The following UNC5D variants were observed in gnomAD, a reference collection of about 807,000 sequenced individuals.
UNC5D encodes unc-5 netrin receptor D.
Under a neutral mutation model 105.4 loss-of-function variants are expected in UNC5D, and 39 were observed. The ratio of observed to expected loss-of-function variants is 0.37; its 90% CI spans 0.29 to 0.48. The LOEUF (loss-of-function observed/expected upper bound fraction) is 0.48, where lower values mean the gene tolerates loss of function less well. Ranked by LOEUF, UNC5D falls within the 20% of genes least tolerant of loss-of-function variation. The pLI, the probability that UNC5D is intolerant of heterozygous loss-of-function variation, is 0.98. For missense variants in UNC5D, 991 were observed against 1,202.4 expected, an observed-to-expected ratio of 0.82 and a Z score of 2.60; for synonymous variants, 452 against 450.4, an observed-to-expected ratio of 1.00 and a Z score of -0.04.
At chr8:35,353,265 A>G (rs895927611) in intron 1 of UNC5D, among the ~76,000 whole-genome samples, 1 of 152,220 alleles carries the variant, frequency 6.6e-6, no homozygotes, top group Non-Finnish European at 1.5e-5. Context: ...CCAAGCATTC[A>G]CAGAGTCATG....
intron 1 of UNC5D, among the ~76,000 whole-genome samples, chr8:35,415,618 C>A (rs186923730): frequency 6.6e-6 from 1 of 152,200 alleles, no homozygotes. Context: ...GCAGGAAGTA[C>A]CCTGTGACTT....
chr8:35,758,779 A>G (rs1462300414), intron 13 of UNC5D, among the ~76,000 whole-genome samples: 1 of 152,226 alleles, frequency 6.6e-6, no homozygotes, highest in Non-Finnish European at 1.5e-5. Context: ...ACCTTTTGGT[A>G]TAATAACTTT....
chr8:35,355,033 G>A (rs149098079), intron 1 of UNC5D, among the ~76,000 whole-genome samples: 45 of 152,218 alleles, frequency 3.0e-4, no homozygotes, highest in African/African-American at 1.0e-3. Context: ...AATGAGAACT[G>A]CCAGTCTCTT....
At chr8:35,740,444 C>T (rs1256150008) in intron 11 of UNC5D, among the ~76,000 whole-genome samples, 2 of 152,172 alleles carry the variant, frequency 1.3e-5, no homozygotes, top group Non-Finnish European at 2.9e-5. Flanking sequence ...TCAGAAGGAG[C>T]ACAAGCCTCC....
At chr8:35,575,356 G>C (rs1374916444) in intron 3 of UNC5D, among the ~76,000 whole-genome samples, 3 of 152,150 alleles carry the variant, frequency 2.0e-5, no homozygotes, top group Non-Finnish European at 2.9e-5. Flanking sequence ...TTTGTTAGCT[G>C]TAGGTCATGA....
chr8:35,369,090 A>G (rs948564338), intron 1 of UNC5D, among the ~76,000 whole-genome samples: 7 of 152,218 alleles, frequency 4.6e-5, no homozygotes, highest in African/African-American at 1.7e-4. Flanking sequence ...TATTATAGAT[A>G]ATATATCTTT....
At chr8:35,535,752 A>G (rs868095265) in intron 1 of UNC5D, among the ~76,000 whole-genome samples, 5 of 151,974 alleles carry the variant, frequency 3.3e-5, no homozygotes, top group Middle Eastern at 6.8e-3. Flanking sequence ...ACAGGATGCA[A>G]CTCTTTCTCT....
At chr8:35,277,537 A>AC (rs1172736932) in intron 1 of UNC5D, among the ~76,000 whole-genome samples, 1 of 151,698 alleles carries the variant, frequency 6.6e-6, no homozygotes, top group East Asian at 1.9e-4. Flanking sequence ...CTTTATTCTT[A>AC]CCCCTGAGTC....
chr8:35,673,202 G>A (rs1191843834), intron 4 of UNC5D, among the ~76,000 whole-genome samples: 1 of 152,178 alleles, frequency 6.6e-6, no homozygotes, highest in Non-Finnish European at 1.5e-5. Flanking sequence ...GACAAAAGGG[G>A]AAACATGATA....
At chr8:35,400,568 C>T (rs945050012) in intron 1 of UNC5D, among the ~76,000 whole-genome samples, 3 of 152,112 alleles carry the variant, frequency 2.0e-5, no homozygotes, top group African/African-American at 7.2e-5. Flanking sequence ...AAACAAAACC[C>T]TGCACTCACC....
Position 35,450,502 on chromosome 8 carries a change from T to C in UNC5D, c.104-98790T>C, listed in dbSNP as rs1048085956. ...AAGCTGAAAATGCTTTTTGACTATG[T>C]CGAATGAACAAAATAATGCTGTTCT... is the stretch of plus-strand genomic sequence containing the variant. On this transcript the variant is annotated intron_variant, in intron 1 of 16. Coordinates refer to ENST00000404895, the MANE Select transcript of UNC5D (RefSeq NM_080872.4). Among the ~76,000 whole-genome samples the C allele has an allele frequency of 2.8e-4, 42 of 152,296 alleles. 2 individuals carry two copies. The highest frequency in any genetic ancestry group is 9.6e-4 in the African/African-American group (40 of 41,570).
At chr8:35,293,106 T>A (rs1382228366) in intron 1 of UNC5D, among the ~76,000 whole-genome samples, 1 of 152,166 alleles carries the variant, frequency 6.6e-6, no homozygotes. Context: ...AAAGTCTTCA[T>A]CCTTGTTGTC....
intron 4 of UNC5D, among the ~76,000 whole-genome samples, chr8:35,645,830 T>G (rs1302297670): frequency 6.6e-6 from 1 of 152,080 alleles, no homozygotes; most frequent in Non-Finnish European, 1.5e-5. Context: ...GACATATATG[T>G]CAAAGAATGA....
intron 1 of UNC5D, among the ~76,000 whole-genome samples, chr8:35,458,913 G>GT (rs1808682785): frequency 6.6e-6 from 1 of 152,142 alleles, no homozygotes; most frequent in African/African-American, 2.4e-5. Flanking sequence ...ACATTGTGGG[G>GT]TTTATGAGTT....
At position 35,595,586 on chromosome 8, in the gene UNC5D, G is replaced by A. The variant is rs771019432; in HGVS notation, c.499G>A (p.Gly167Arg). The change falls in exon 4 of 17, where the codon GGA becomes AGA. Residue 167 changes from glycine (G) to arginine (R), a missense_variant. Physicochemically the swap from Gly to Arg is moderately radical, Grantham distance 125. Transcript: ENST00000404895. Reference protein sequence around the residue: ...LRKNFEQDPQGREVPIEGMIV... With the variant: ...LRKNFEQDPQRREVPIEGMIV... ...GAAAAACTTTGAACAAGACCCACAA[G>A]GAAGGGAAGTTCCCATTGAAGGCAT... is the stretch of plus-strand genomic sequence containing the variant. 3 of 1,614,112 alleles carry A rather than the reference G, an allele frequency of 1.9e-6. No individual in the cohort carries two copies. Among genetic ancestry groups the A allele is most frequent in the Non-Finnish European group, 2.5e-6 (3 of 1,180,004 alleles).
At chr8:35,382,686 G>A (rs11991965) in intron 1 of UNC5D, among the ~76,000 whole-genome samples, 66,307 of 151,960 alleles carry the variant, frequency 0.44, 14,750 homozygotes, top group East Asian at 0.7. Context: ...TAGATTTATA[G>A]TGACTCTGTC....
chr8:35,771,923 C>T (rs1738005382), intron 15 of UNC5D, among the ~76,000 whole-genome samples: 1 of 152,070 alleles, frequency 6.6e-6, no homozygotes, highest in African/African-American at 2.4e-5. Flanking sequence ...TATACAAATG[C>T]AAAATAACTG....
chr8:35,337,605 G>T (rs186846566), intron 1 of UNC5D, among the ~76,000 whole-genome samples: 1 of 152,160 alleles, frequency 6.6e-6, no homozygotes, highest in Non-Finnish European at 1.5e-5. Flanking sequence ...GCATTCTACT[G>T]TGGTATGAAG....
intron 11 of UNC5D, among the ~76,000 whole-genome samples, chr8:35,735,039 A>T (rs1307722391): frequency 6.6e-6 from 1 of 152,188 alleles, no homozygotes; most frequent in Non-Finnish European, 1.5e-5. Flanking sequence ...CGGCCTCCCA[A>T]AGTGCTGGGA....
Sources: gnomAD v4.1 joint callset for allele counts (sites outside exome capture counted in the v4.1 genomes callset) on GRCh38, gnomAD v4.1.1 for gene constraint, MANE v1.5 for transcripts, NCBI Gene and HGNC (gene_info 2026-07-23, HGNC 2026-07-21) for gene names.